SMTNL2: variants seen among roughly 807,000 people sequenced by gnomAD.
The protein encoded by SMTNL2 is smoothelin-like protein 2.
In SMTNL2, 43 loss-of-function variants were observed where a neutral mutation model predicts 44.1. The ratio of observed to expected loss-of-function variants is 0.98; its 90% confidence interval spans 0.76 to 1.26. The LOEUF is 1.26. Ranked by LOEUF, SMTNL2 falls within the 50% of genes most tolerant of loss-of-function variation. The pLI is 0.00. For missense variants in SMTNL2, 646 were observed against 670.2 expected, an observed-to-expected ratio of 0.96 and a Z score of 0.40; for synonymous variants, 317 against 287.6, an observed-to-expected ratio of 1.10 and a Z score of -1.03.
In SMTNL2 at chr17:4,592,939, T is replaced by C. The variant is rs373987858; in HGVS notation, c.498T>C (p.Asp166=). 21 of 1,611,770 alleles carry C rather than the reference T, an allele frequency of 1.3e-5. No individual in the cohort carries two copies. The African/African-American group carries it at 2.4e-4, about 18-fold the overall frequency. ...GGTCACATGTTCCAGGTCCAGGCGA[T>C]GGACCCCCTGAGATTGCCCAAAACT... The part of the protein sequence containing the change: ...NGHQPGAGPG[D]GPPEIAQNFS... The change falls in exon 3 of 8, where the codon GAT becomes GAC. Residue 166 remains aspartate (D), a synonymous_variant. Transcript: ENST00000389313. This position sits in a 1 kb window ranked among gnomAD's most constrained non-coding sequence, Gnocchi z 4.5.
In SMTNL2 at chr17:4,584,998, C is replaced by G; in HGVS notation, c.393C>G (p.Arg131=). 1 of 1,358,762 alleles carries G rather than the reference C, an allele frequency of 7.4e-7. No individual in the cohort carries two copies. Among genetic ancestry groups the G allele is most frequent in the Non-Finnish European group, 9.4e-7 (1 of 1,058,548 alleles). The allele number at this position is 1,358,762 out of a possible 1,614,324, so 84.2% of individuals were successfully genotyped here. A position where few individuals can be genotyped will look rare whatever the true frequency, so the allele number is the denominator to read the frequency against. Residue 131 remains arginine (R), a synonymous_variant, in exon 1 of 8, where the codon CGC becomes CGG. Transcript: ENST00000389313. ...ACGCCACCTTCTCGCTGTCCGGCCG[C>G]GGCCAGGTGAGCCCGGGGGAGCGCG... The part of the protein sequence containing the change: ...ASHATFSLSG[R]GQSLDHDEAS...
chr17:4,588,552 C>A (rs1288961744), intron 1 of SMTNL2, among the ~76,000 whole-genome samples: 1 of 152,206 alleles, frequency 6.6e-6, no homozygotes, highest in Non-Finnish European at 1.5e-5. Flanking sequence ...GACAGGCTGC[C>A]CCCATCAAAG....
intron 1 of SMTNL2, among the ~76,000 whole-genome samples, chr17:4,587,384 C>T (rs1056902590): frequency 9.9e-5 from 15 of 152,230 alleles, no homozygotes; most frequent in African/African-American, 3.6e-4. Context: ...GTCACAGCCT[C>T]CAGACCAGTG....
At position 4,607,316 on chromosome 17, in the gene SMTNL2, G is replaced by T. The variant is rs1910318176; in HGVS notation, c.1260-45G>T. On this transcript the variant is annotated intron_variant, in intron 7 of 7. Transcript: ENST00000389313. The surrounding 1 kb of genome is among the most constrained non-coding windows in gnomAD (Gnocchi z 4.7). Reference sequence around the variant, plus strand: ...CGGCCCTGTCGCGGCTGTGGGGCTGGCTGATGGCTGGGACCACCGTTCTGA... The same window carrying T: ...CGGCCCTGTCGCGGCTGTGGGGCTGTCTGATGGCTGGGACCACCGTTCTGA... 1.9e-6 allele frequency: 3 copies of T among 1,609,884 alleles called. No homozygotes were observed. Among genetic ancestry groups the T allele is most frequent in the Non-Finnish European group, 2.5e-6 (3 of 1,177,006 alleles).
In SMTNL2 at chr17:4,584,711, C is replaced by CG; in HGVS notation, c.111dup (p.Leu38AlafsTer102). 1 of 1,300,418 alleles carries CG rather than the reference C, an allele frequency of 7.7e-7. No individual in the cohort carries two copies. Among genetic ancestry groups the CG allele is most frequent in the South Asian group, 2.2e-5 (1 of 44,910 alleles). 80.6% of individuals were successfully genotyped at this position (1,300,418 alleles called of 1,614,324 possible). A position where few individuals can be genotyped will look rare whatever the true frequency, so the allele number is the denominator to read the frequency against. ...GGTGCGCGCGCTGCACGAGGACATG[C>CG]GGGGGCTGCAGCGCGGCGTGGAGCG... On this transcript the variant is annotated frameshift_variant, in exon 1 of 8. Transcript: ENST00000389313. LOFTEE classifies it high-confidence loss of function.
chr17:4,592,378 G>C lies in SMTNL2; in HGVS notation c.417G>C (p.Glu139Asp). 6.2e-7 allele frequency: 1 copy of C among 1,613,748 alleles called. No homozygotes were observed. ...CTCTGTAGAGTTTGGATCACGATGA[G>C]GCCAGTGAGTCGGAGATGAGAAAGA... ...SGRGQSLDHD[E>D]ASESEMRKTS... The change falls in exon 2 of 8, where the codon GAG becomes GAC. Residue 139 changes from glutamate (E) to aspartate (D), a missense_variant. Transcript: ENST00000389313. The surrounding 1 kb of genome is among the most constrained non-coding windows in gnomAD (Gnocchi z 4.5).
chr17:4,587,720 A>C (rs1412449524), intron 1 of SMTNL2, among the ~76,000 whole-genome samples: 1 of 152,230 alleles, frequency 6.6e-6, no homozygotes, highest in Non-Finnish European at 1.5e-5. Flanking sequence ...TTAGAGACCC[A>C]GTTCCTTTCA....
chr17:4,605,684 A>G (rs929738386), intron 7 of SMTNL2, among the ~76,000 whole-genome samples: 7 of 152,190 alleles, frequency 4.6e-5, no homozygotes, highest in African/African-American at 7.2e-5. Context: ...GGGAAAAAAA[A>G]TAGACTGGAG....
At chr17:4,591,665 G>A (rs191834086) in intron 1 of SMTNL2, among the ~76,000 whole-genome samples, 1 of 152,354 alleles carries the variant, frequency 6.6e-6, no homozygotes. Flanking sequence ...TCTCAAACAG[G>A]GAAACAGACC....
chr17:4,587,947 G>A (rs559620307), intron 1 of SMTNL2, among the ~76,000 whole-genome samples: 1 of 152,322 alleles, frequency 6.6e-6, no homozygotes, highest in South Asian at 2.1e-4. Flanking sequence ...CCTCAGCTGA[G>A]CTGGAGCCAC....
intron 1 of SMTNL2, among the ~76,000 whole-genome samples, chr17:4,590,537 C>A (rs544701323): frequency 6.6e-6 from 1 of 152,172 alleles, no homozygotes; most frequent in South Asian, 2.1e-4. Context: ...CTCCTCAGCT[C>A]CCTGATGCTC....
chr17:4,595,660 G>C lies in SMTNL2; in HGVS notation c.989+333G>C, dbSNP rs1489946847. Among the ~76,000 whole-genome samples, 1 of 152,224 alleles carries C rather than the reference G, an allele frequency of 6.6e-6. No individual in the cohort carries two copies. Among genetic ancestry groups the C allele is most frequent in the Non-Finnish European group, 1.5e-5 (1 of 68,038 alleles). On this transcript the variant is annotated intron_variant, in intron 5 of 7. Coordinates refer to ENST00000389313, the MANE Select transcript of SMTNL2 (RefSeq NM_001114974.2). The surrounding 1 kb of genome is among the most constrained non-coding windows in gnomAD (Gnocchi z 5.1). ...CTCACACCCACATTCCCCAGGGGTT[G>C]TGGCTCCTCTGGTTTCTGGGCATGA...
At chr17:4,601,032 A>G (rs1328011772) in intron 7 of SMTNL2, among the ~76,000 whole-genome samples, 1 of 152,190 alleles carries the variant, frequency 6.6e-6, no homozygotes. Flanking sequence ...TGAAGCTCAC[A>G]ATAGACAGGA....
At chr17:4,587,486 A>C (rs558123003) in intron 1 of SMTNL2, among the ~76,000 whole-genome samples, 1 of 152,262 alleles carries the variant, frequency 6.6e-6, no homozygotes, top group African/African-American at 2.4e-5. Flanking sequence ...GCTTGGTCAC[A>C]CTCAAGGAGC....
rs574553346 is a variant in SMTNL2, at chr17:4,585,009, G to T, written c.399+5G>T. 2.2e-3 allele frequency: 2,880 copies of T among 1,324,084 alleles called. 4 individuals carry two copies. Among genetic ancestry groups the T allele is most frequent in the Non-Finnish European group, 2.2e-3 (2,263 of 1,041,186 alleles). 82.0% of individuals were successfully genotyped at this position (1,324,084 alleles called of 1,614,324 possible). A position where few individuals can be genotyped will look rare whatever the true frequency, so the allele number is the denominator to read the frequency against. On this transcript the variant is annotated splice_donor_5th_base_variant and intron_variant, in intron 1 of 7. Transcript: ENST00000389313. ...TCGCTGTCCGGCCGCGGCCAGGTGA[G>T]CCCGGGGGAGCGCGTGCGCTGGCGC... is the stretch of plus-strand genomic sequence containing the variant.
intron 1 of SMTNL2, among the ~76,000 whole-genome samples, chr17:4,588,386 C>T (rs1213452088): frequency 1.3e-5 from 2 of 152,224 alleles, no homozygotes; most frequent in Non-Finnish European, 2.9e-5. Flanking sequence ...CCTCATGGGG[C>T]ACCTCCCCTT....
Position 4,584,878 on chromosome 17 carries a change from C to G in SMTNL2, c.273C>G (p.Ser91=). 7.6e-7 allele frequency: 1 copy of G among 1,307,538 alleles called. No individual in the cohort carries two copies. The highest frequency in any genetic ancestry group is 3.3e-5 in the East Asian group (1 of 30,696). 81.0% of individuals were successfully genotyped at this position (1,307,538 alleles called of 1,614,324 possible). ...CGCTGGGCTTGGCCAGCGGGATGTC[C>G]CCGGTGCCCGGCACTCCCGGCACGC... is the stretch of plus-strand genomic sequence containing the variant. ...VEALGLASGM[S]PVPGTPGTPS... The change falls in exon 1 of 8, where the codon TCC becomes TCG. Residue 91 remains serine (S), a synonymous_variant. Transcript: ENST00000389313.
At chr17:4,593,514 C>T (rs144745605) in intron 3 of SMTNL2, among the ~76,000 whole-genome samples, 24 of 152,348 alleles carry the variant, frequency 1.6e-4, no homozygotes, top group African/African-American at 4.1e-4. Flanking sequence ...TGGGGGAAGC[C>T]GTGTGGGCCT....
At position 4,604,517 on chromosome 17, in the gene SMTNL2, G is replaced by A. The variant is rs118119247; in HGVS notation, c.1260-2844G>A. Among the ~76,000 whole-genome samples the A allele has an allele frequency of 1.5e-4, 23 of 152,330 alleles. No homozygotes were observed. The East Asian group carries it at 3.1e-3, about 20-fold the overall frequency. On this transcript the variant is annotated intron_variant, in intron 7 of 7. Transcript: ENST00000389313. ...AGTCCTGGTAGAAAGTGCTGAGTGCGTCGTGCCAAACTGGGATGGGTCAGA... is the reference window on the plus strand; with the variant it reads ...AGTCCTGGTAGAAAGTGCTGAGTGCATCGTGCCAAACTGGGATGGGTCAGA...
Sources: allele counts gnomAD v4.1 joint callset (sites outside exome capture counted in the v4.1 genomes callset), GRCh38; gene constraint gnomAD v4.1.1; non-coding constraint Gnocchi (gnomAD v3.1); transcripts MANE v1.5; gene names NCBI Gene and HGNC (gene_info 2026-07-23, HGNC 2026-07-21).